Variants in CSMD2 observed in about 807,000 individuals in gnomAD.
CSMD2 encodes the protein CUB and Sushi multiple domains 2.
Under a neutral mutation model 398.5 loss-of-function variants are expected in CSMD2, and 130 were observed. The observed-to-expected ratio is 0.33, with a 90% confidence interval of 0.28 to 0.38. The LOEUF (loss-of-function observed/expected upper bound fraction) is 0.38, where lower values mean the gene tolerates loss of function less well. CSMD2 is among the 10% of genes least tolerant of loss of function. The pLI is 1.00. For synonymous variants in CSMD2, 1,828 were observed against 1,908.5 expected, an observed-to-expected ratio of 0.96 and a Z score of 1.10; for missense variants, 3,829 against 4,764.9, an observed-to-expected ratio of 0.80 and a Z score of 5.78.
At position 33,935,906 on chromosome 1, in the gene CSMD2, A is replaced by T. The variant is rs1233399591; in HGVS notation, c.566T>A (p.Ile189Asn). The part of the protein sequence containing the change: ...CGNPGRLPNG[I>N]QQGSTFNLGD... Reference sequence around the variant, plus strand: ...GAGGTTGAAGGTTGAACCCTGCTGGATGCCATTGGGCAGCCTCCCTGGGTT... The same window carrying T: ...GAGGTTGAAGGTTGAACCCTGCTGGTTGCCATTGGGCAGCCTCCCTGGGTT... Residue 189 changes from isoleucine to asparagine, a missense_variant, in exon 4 of 71, where the codon ATC becomes AAC. Physicochemically the swap from Ile to Asn is moderately radical, Grantham distance 149. Around this residue, in one of 5 missense-constraint regions of CSMD2, gnomAD observed 2,001 missense variants for 2,567.1 expected, o/e 0.78. Transcript: ENST00000373381. The T allele has an allele frequency of 6.2e-7, 1 of 1,613,968 alleles. No individual in the cohort carries two copies. The highest frequency in any genetic ancestry group is 2.2e-5 in the East Asian group (1 of 44,886).
At chr1:33,870,089 T>C (rs996296959) in intron 5 of CSMD2, 1 of 152,202 alleles carries the variant, frequency 6.6e-6, no homozygotes, top group African/African-American at 2.4e-5. Flanking sequence ...AAATGTCCAA[T>C]TCCTGGGCCT....
chr1:33,785,150 A>C (rs989961163), intron 12 of CSMD2, among the ~76,000 whole-genome samples: 1 of 152,148 alleles, frequency 6.6e-6, no homozygotes, highest in African/African-American at 2.4e-5. Flanking sequence ...TTTATACCAC[A>C]TCCAAGCTGC....
chr1:33,907,348 C>T (rs920940826), intron 5 of CSMD2, among the ~76,000 whole-genome samples: 7 of 151,304 alleles, frequency 4.6e-5, no homozygotes, highest in South Asian at 2.1e-4. Flanking sequence ...AGGATGGTCT[C>T]GATCTCCTGA....
At position 33,633,999 on chromosome 1, in the gene CSMD2, A is replaced by G. The variant is rs1642640778; in HGVS notation, c.5087-464T>C. On this transcript the variant is annotated intron_variant, in intron 31 of 70. Coordinates refer to ENST00000373381, the MANE Select transcript of CSMD2 (RefSeq NM_001281956.2). This position sits in a 1 kb window ranked among gnomAD's most constrained non-coding sequence, Gnocchi z 5.0. Reference sequence around the variant, plus strand: ...ACAGAGATCTGTAGTCAGTGCTGTGAGCTCCTTATCACTGGAGGGATCCAG... The same window carrying G: ...ACAGAGATCTGTAGTCAGTGCTGTGGGCTCCTTATCACTGGAGGGATCCAG... Among the ~76,000 whole-genome samples the G allele has an allele frequency of 1.3e-5, 2 of 152,158 alleles. No homozygotes were observed. The highest frequency in any genetic ancestry group is 2.9e-5 in the Non-Finnish European group (2 of 68,020).
chr1:33,615,714 A>C (rs897966279), intron 39 of CSMD2, among the ~76,000 whole-genome samples: 3 of 152,254 alleles, frequency 2.0e-5, no homozygotes, highest in African/African-American at 7.2e-5. Context: ...AATGGTTTCC[A>C]TAGCAAGGTC....
chr1:33,604,342 T>A (rs983054746), intron 42 of CSMD2, among the ~76,000 whole-genome samples: 1 of 152,186 alleles, frequency 6.6e-6, no homozygotes. Context: ...AAATCATGGT[T>A]TTACATTCCA....
chr1:34,064,897 GA>G (rs1240103170), intron 2 of CSMD2, among the ~76,000 whole-genome samples: 1 of 152,114 alleles, frequency 6.6e-6, no homozygotes, highest in Non-Finnish European at 1.5e-5. Flanking sequence ...GGCAACAAGA[GA>G]AAAATGAGGA....
At chr1:33,781,050 C>T (rs1652696603) in intron 12 of CSMD2, among the ~76,000 whole-genome samples, 1 of 152,180 alleles carries the variant, frequency 6.6e-6, no homozygotes, top group Non-Finnish European at 1.5e-5. Flanking sequence ...TCTAAAACCA[C>T]CTCTTCTGGG....
At chr1:34,049,722 T>C (rs1652960333) in intron 2 of CSMD2, among the ~76,000 whole-genome samples, 1 of 152,172 alleles carries the variant, frequency 6.6e-6, no homozygotes, top group African/African-American at 2.4e-5. Flanking sequence ...AAAGGTTCCA[T>C]TGATTGCGCC....
chr1:33,660,817 C>G (rs971029963), intron 26 of CSMD2, among the ~76,000 whole-genome samples: 1 of 152,228 alleles, frequency 6.6e-6, no homozygotes, highest in African/African-American at 2.4e-5. Context: ...TGAGCACCTG[C>G]TGCATACATA....
At chr1:33,725,203 C>G (rs1326112951) in intron 17 of CSMD2, 146 bp downstream of exon 17, 5 of 659,396 alleles carry the variant, frequency 7.6e-6, no homozygotes, top group Non-Finnish European at 1.3e-5. Context: ...GAGTGCCTTC[C>G]CCAGGGCCTT....
At chr1:33,745,886 A>G (rs1442724361) in intron 13 of CSMD2, among the ~76,000 whole-genome samples, 2 of 152,340 alleles carry the variant, frequency 1.3e-5, no homozygotes, top group East Asian at 1.9e-4. Context: ...CACTTGCTCA[A>G]TTTAACTGTC....
intron 11 of CSMD2, among the ~76,000 whole-genome samples, chr1:33,789,175 A>G (rs484731): frequency 0.077 from 11,782 of 152,178 alleles, 480 homozygotes; most frequent in South Asian, 0.094. Flanking sequence ...TTGGAACCCA[A>G]GCCATTCTTT....
chr1:33,928,013 C>T (rs2125309071), intron 4 of CSMD2, among the ~76,000 whole-genome samples: 1 of 152,346 alleles, frequency 6.6e-6, no homozygotes, highest in South Asian at 2.1e-4. Flanking sequence ...CTGCCAGTCC[C>T]TGACTGGTGG....
intron 10 of CSMD2, among the ~76,000 whole-genome samples, chr1:33,796,867 T>TG (rs1190798680): frequency 1.3e-5 from 2 of 152,114 alleles, no homozygotes; most frequent in African/African-American, 4.8e-5. Context: ...AATGCATTCC[T>TG]GGGGGGAGGT....
At chr1:34,000,379 C>T (rs1274238621) in intron 3 of CSMD2, among the ~76,000 whole-genome samples, 1 of 152,092 alleles carries the variant, frequency 6.6e-6, no homozygotes, top group Non-Finnish European at 1.5e-5. Flanking sequence ...CCTAGAGAGG[C>T]TGCAGAGTAA....
intron 1 of CSMD2, among the ~76,000 whole-genome samples, chr1:34,114,565 G>A (rs981214120): frequency 3.3e-5 from 5 of 152,118 alleles, no homozygotes; most frequent in African/African-American, 1.2e-4. Context: ...GCTGGGCATA[G>A]TGGTACACCT....
intron 65 of CSMD2, among the ~76,000 whole-genome samples, chr1:33,525,676 A>G (rs968465058): frequency 1.3e-5 from 2 of 152,172 alleles, no homozygotes; most frequent in Admixed American, 1.3e-4. Context: ...ACATTTCAAA[A>G]TTGCTGAAAG....
In CSMD2 at chr1:33,518,386, CGT is replaced by C. The variant is rs1312545511; in HGVS notation, c.*53+1077_*53+1078del. ...AGATGCATGCCTGTGTGCATGTATG[CGT>C]ATGTGTGTGTGTGTGTGTGCATGAC... On this transcript the variant is annotated intron_variant, in intron 70 of 70. Coordinates refer to ENST00000373381, the MANE Select transcript of CSMD2 (RefSeq NM_001281956.2). This position sits in a 1 kb window ranked among gnomAD's most constrained non-coding sequence, Gnocchi z 4.3. Among the ~76,000 whole-genome samples the C allele has an allele frequency of 8.0e-5, 6 of 75,452 alleles. No individual in the cohort carries two copies. Among genetic ancestry groups the C allele is most frequent in the South Asian group, 4.4e-4 (1 of 2,248 alleles). 49.5% of individuals were successfully genotyped at this position (75,452 alleles called of 152,430 possible). A position where few individuals can be genotyped will look rare whatever the true frequency, so the allele number is the denominator to read the frequency against.
Sources: gnomAD v4.1 joint callset for allele counts (sites outside exome capture counted in the v4.1 genomes callset) on GRCh38, gnomAD v4.1.1 for gene constraint, gnomAD v4.1.1 regional missense constraint, Gnocchi (gnomAD v3.1) non-coding constraint, MANE v1.5 for transcripts, NCBI Gene and HGNC (gene_info 2026-07-23, HGNC 2026-07-21) for gene names.